COBLL1: variants seen among roughly 807,000 people sequenced by gnomAD.
COBLL1 encodes the protein cordon-bleu protein-like 1.
COBLL1 carries 50 observed loss-of-function variants against 94.8 expected under a neutral mutation model. The ratio of observed to expected loss-of-function variants is 0.53; its 90% confidence interval spans 0.42 to 0.67. The LOEUF is 0.67. Ranked by LOEUF, COBLL1 falls within the 30% of genes least tolerant of loss-of-function variation. The probability of loss-of-function intolerance (pLI) is 0.00; values close to 1 mark genes in which losing one functional copy is unlikely to be tolerated. For synonymous variants in COBLL1, 448 were observed against 473.8 expected (o/e 0.95, Z 0.71); for missense variants, 1,362 against 1,348.7 (o/e 1.01, Z -0.15).
intron 2 of COBLL1, among the ~76,000 whole-genome samples, chr2:164,814,352 G>A (rs1006869440): frequency 1.3e-4 from 19 of 151,912 alleles, no homozygotes; most frequent in Admixed American, 1.0e-3. Context: ...ATTGATTTTT[G>A]TATTATTACT....
intron 2 of COBLL1, among the ~76,000 whole-genome samples, chr2:164,763,314 T>A (rs958274554): frequency 1.3e-5 from 2 of 151,310 alleles, no homozygotes; most frequent in African/African-American, 4.9e-5. Flanking sequence ...GAGAAAAAAA[T>A]GTAAAAAATT....
At chr2:164,673,735 T>C (rs1370362757) in intron 1 of COBLL1, among the ~76,000 whole-genome samples, 1 of 152,108 alleles carries the variant, frequency 6.6e-6, no homozygotes, top group Non-Finnish European at 1.5e-5. Flanking sequence ...AATTTCCAAG[T>C]TTGTAAGCCA....
At chr2:164,687,690 C>CT in intron 13 of COBLL1, 1 of 723,642 alleles carries the variant, frequency 1.4e-6, no homozygotes, top group Non-Finnish European at 2.5e-6. Flanking sequence ...AAACAGGCTG[C>CT]ATACACCACC....
intron 1 of COBLL1, among the ~76,000 whole-genome samples, chr2:164,672,968 G>A (rs1349955044): frequency 6.6e-6 from 1 of 152,076 alleles, no homozygotes; most frequent in Non-Finnish European, 1.5e-5. Flanking sequence ...TTGTGTAACT[G>A]CAGCCCCACA....
chr2:164,828,406 ATAAACC>A (rs1685535711), intron 2 of COBLL1, among the ~76,000 whole-genome samples: 2 of 152,224 alleles, frequency 1.3e-5, no homozygotes, highest in Admixed American at 1.3e-4. Context: ...AGTGAGGGGA[ATAAACC>A]TAAATATCTA....
chr2:164,800,068 T>C (rs774086870), intron 2 of COBLL1, among the ~76,000 whole-genome samples: 17 of 152,172 alleles, frequency 1.1e-4, no homozygotes, highest in Non-Finnish European at 1.8e-4. Context: ...TTTTTAAGAA[T>C]TGGTAAATTG....
chr2:164,806,713 C>A lies in COBLL1; in HGVS notation c.41+34443G>T, dbSNP rs536848376. Among the ~76,000 whole-genome samples, 10 of 152,064 alleles carry A rather than the reference C, an allele frequency of 6.6e-5. No homozygotes were observed. In the East Asian group the frequency reaches 1.9e-3, roughly 29 times the overall value. On this transcript the variant is annotated intron_variant, in intron 2 of 13. Coordinates refer to ENST00000652658, the MANE Select transcript of COBLL1 (RefSeq NM_001365672.2). ...GATTCAATTTATTTATTTTTCTTTT[C>A]TTTTGAGACAGGGTCCCACTCTGTC...
chr2:164,696,122 T>C (rs1270941861), intron 11 of COBLL1: 1 of 278,158 alleles, frequency 3.6e-6, no homozygotes, highest in Admixed American at 4.8e-5. Flanking sequence ...AAAATATTTA[T>C]ATTATATGTG....
rs968545947 is a variant in COBLL1, at chr2:164,730,816, A to AACC, written c.231-704_231-702dup. ...GTTCTCATAAGAATGAAGCATTTGG[A>AACC]ACCACCACCACCACTTTTTGGCTTT... On this transcript the variant is annotated intron_variant, in intron 3 of 13. Coordinates refer to ENST00000652658, the MANE Select transcript of COBLL1 (RefSeq NM_001365672.2). Among the ~76,000 whole-genome samples the AACC allele has an allele frequency of 3.5e-4, 54 of 152,334 alleles. 1 individual carries two copies. The highest frequency in any genetic ancestry group is 6.6e-4 in the Non-Finnish European group (45 of 68,024).
chr2:164,815,378 GA>G (rs1320144862), intron 2 of COBLL1, among the ~76,000 whole-genome samples: 1 of 147,006 alleles, frequency 6.8e-6, no homozygotes, highest in Non-Finnish European at 1.5e-5. Context: ...CAGCCTGGGG[GA>G]CAGAGTGATA....
At chr2:164,690,082 T>C (rs1056138396) in intron 13 of COBLL1, among the ~76,000 whole-genome samples, 1 of 152,160 alleles carries the variant, frequency 6.6e-6, no homozygotes, top group Admixed American at 6.6e-5. Context: ...TTCTACTAAT[T>C]GGATATTAGG....
chr2:164,678,297 G>A (rs1327842998), downstream of COBLL1, among the ~76,000 whole-genome samples: 1 of 152,048 alleles, frequency 6.6e-6, no homozygotes, highest in African/African-American at 2.4e-5. Flanking sequence ...AATAGACTTA[G>A]GAATTTAGGG....
intron 2 of COBLL1, among the ~76,000 whole-genome samples, chr2:164,807,543 T>C (rs1299013096): frequency 6.6e-6 from 1 of 152,186 alleles, no homozygotes; most frequent in Non-Finnish European, 1.5e-5. Context: ...ATATTTGTTT[T>C]GTTGTTTTAG....
At chr2:164,707,609 A>AT (rs1012609955) in intron 7 of COBLL1, among the ~76,000 whole-genome samples, 5 of 152,206 alleles carry the variant, frequency 3.3e-5, no homozygotes, top group Admixed American at 2.6e-4. Context: ...AGAGGCAGAG[A>AT]TTTTTTTCCC....
At chr2:164,727,169 G>T in intron 5 of COBLL1, 2 of 1,383,580 alleles carry the variant, frequency 1.4e-6, no homozygotes, top group South Asian at 1.4e-5. Flanking sequence ...GTATAAAAGA[G>T]GGTAAATTGA....
chr2:164,698,116 A>G (rs1189809616), intron 11 of COBLL1: 2 of 152,068 alleles, frequency 1.3e-5, no homozygotes, highest in Non-Finnish European at 2.9e-5. Context: ...CTCTGGCACT[A>G]ACTTGACAAC....
Position 164,768,337 on chromosome 2 carries a change from C to T in COBLL1, c.42-24462G>A, listed in dbSNP as rs114181614. Among the ~76,000 whole-genome samples the T allele has an allele frequency of 5.8e-3, 886 of 152,238 alleles. 12 individuals are homozygous for T. Among genetic ancestry groups the T allele is most frequent in the African/African-American group, 0.02 (834 of 41,534 alleles). On this transcript the variant is annotated intron_variant, in intron 2 of 13. Transcript: ENST00000652658. The stretch of plus-strand genomic sequence containing the variant: ...TAAGCCAAGCTTGTCCAACCTGTGG[C>T]CTGCAGGCCACATGCAGCCCAGGAT...
intron 2 of COBLL1, among the ~76,000 whole-genome samples, chr2:164,775,882 G>T (rs1209608402): frequency 6.6e-6 from 1 of 151,984 alleles, no homozygotes; most frequent in Non-Finnish European, 1.5e-5. Flanking sequence ...AAAATCTCTT[G>T]GCTGCCCATT....
chr2:164,735,512 C>A (rs1184442861), intron 3 of COBLL1, among the ~76,000 whole-genome samples: 3 of 152,106 alleles, frequency 2.0e-5, no homozygotes, highest in Non-Finnish European at 4.4e-5. Flanking sequence ...CTGACCCTGA[C>A]CACAAGATTT....
Sources: gnomAD v4.1 joint callset for allele counts (sites outside exome capture counted in the v4.1 genomes callset) on GRCh38, gnomAD v4.1.1 for gene constraint, MANE v1.5 for transcripts, NCBI Gene and HGNC (gene_info 2026-07-23, HGNC 2026-07-21) for gene names.